Variants in PSD3 observed in about 807,000 individuals in gnomAD.
PSD3 encodes the protein PH and SEC7 domain-containing protein 3.
A neutral mutation model predicts 105.5 loss-of-function variants in PSD3; 49 were observed. The ratio of observed to expected loss-of-function variants is 0.46; its 90% CI spans 0.37 to 0.59. PSD3 has a LOEUF of 0.59. PSD3 is among the 20% of genes least tolerant of loss of function. PSD3 has a pLI of 0.00. For synonymous variants in PSD3, 557 were observed against 457.8 expected, an observed-to-expected ratio of 1.22 and a Z score of -2.77; for missense variants, 1,561 against 1,263.8, an observed-to-expected ratio of 1.24 and a Z score of -3.57.
At chr8:18,759,645 A>G (rs534173523) in intron 9 of PSD3, among the ~76,000 whole-genome samples, 97 of 152,316 alleles carry the variant, frequency 6.4e-4, no homozygotes, top group Non-Finnish European at 1.1e-3. Context: ...ATTAAATGGT[A>G]GATGGCAATG....
rs111788063 is a variant in PSD3 at position 18,623,166 on chromosome 8, T to C, written c.2410+9447A>G. Among the ~76,000 whole-genome samples the C allele has an allele frequency of 1.7e-3, 260 of 152,204 alleles. 1 individual carries two copies. The highest frequency in any genetic ancestry group is 6.0e-3 in the African/African-American group (248 of 41,544). ...TTCCAAAATGCTGGGATTACAGGCG[T>C]GAGCCACTGTGTCTGGTCACCGTTT... On this transcript the variant is annotated intron_variant, in intron 11 of 15. Coordinates refer to ENST00000327040, the MANE Select transcript of PSD3 (RefSeq NM_015310.4).
chr8:18,832,274 C>T (rs531638538), intron 4 of PSD3, among the ~76,000 whole-genome samples: 2 of 152,190 alleles, frequency 1.3e-5, no homozygotes, highest in South Asian at 2.1e-4. Flanking sequence ...TTATATCTTG[C>T]TTCACGTCCA....
At chr8:18,536,598 C>T (rs1240104832) in intron 15 of PSD3, among the ~76,000 whole-genome samples, 2 of 152,194 alleles carry the variant, frequency 1.3e-5, no homozygotes, top group African/African-American at 2.4e-5. Context: ...CAGTATGAAG[C>T]TGGCAGAATT....
chr8:18,796,667 G>A (rs535801777), intron 8 of PSD3, among the ~76,000 whole-genome samples: 6 of 152,278 alleles, frequency 3.9e-5, no homozygotes, highest in African/African-American at 1.4e-4. Flanking sequence ...CTCCCAAGAG[G>A]GGAGTCAGAC....
At chr8:18,852,259 G>C (rs776786614) in intron 4 of PSD3, among the ~76,000 whole-genome samples, 1 of 152,032 alleles carries the variant, frequency 6.6e-6, no homozygotes, top group Non-Finnish European at 1.5e-5. Context: ...ACAAGTGATA[G>C]ACCAGGAAAC....
At chr8:18,833,020 G>C (rs960006996) in intron 4 of PSD3, among the ~76,000 whole-genome samples, 1 of 152,188 alleles carries the variant, frequency 6.6e-6, no homozygotes, top group Non-Finnish European at 1.5e-5. Flanking sequence ...TTATAATTGA[G>C]CAGCCATGAG....
chr8:19,016,169 C>G (rs1827172759), upstream of PSD3, among the ~76,000 whole-genome samples: 1 of 152,134 alleles, frequency 6.6e-6, no homozygotes, highest in Admixed American at 6.5e-5. Context: ...ACCATAGCCC[C>G]CAGTGCTCAA....
chr8:18,939,511 A>T (rs1347592767), intron 1 of PSD3, among the ~76,000 whole-genome samples: 1 of 151,280 alleles, frequency 6.6e-6, no homozygotes, highest in Admixed American at 6.6e-5. Context: ...ATAAAGAAAC[A>T]TAGCTTTTTT....
intron 4 of PSD3, among the ~76,000 whole-genome samples, chr8:18,838,780 T>A (rs1274415797): frequency 6.7e-6 from 1 of 149,502 alleles, no homozygotes; most frequent in Admixed American, 6.7e-5. Context: ...CCAGCCTGGG[T>A]GACAGAGCGA....
At chr8:18,961,104 C>A (rs1176227427) in intron 1 of PSD3, among the ~76,000 whole-genome samples, 1 of 151,446 alleles carries the variant, frequency 6.6e-6, no homozygotes, top group Non-Finnish European at 1.5e-5. Flanking sequence ...AAAAAACAAA[C>A]AAACAAAAAG....
intron 4 of PSD3, among the ~76,000 whole-genome samples, chr8:18,839,410 A>G (rs1178981647): frequency 6.6e-6 from 1 of 152,142 alleles, no homozygotes; most frequent in African/African-American, 2.4e-5. Context: ...TAAAAGATCT[A>G]TTGTCCAAAG....
upstream of PSD3, among the ~76,000 whole-genome samples, chr8:19,018,156 G>A (rs1827235077): frequency 6.6e-6 from 1 of 152,134 alleles, no homozygotes; most frequent in Non-Finnish European, 1.5e-5. Context: ...AGATAGCCCA[G>A]TCTTTTCTCT....
At chr8:18,764,958 G>A (rs111770394) in intron 9 of PSD3, among the ~76,000 whole-genome samples, 1 of 152,138 alleles carries the variant, frequency 6.6e-6, no homozygotes, top group African/African-American at 2.4e-5. Flanking sequence ...TCATGCTGAT[G>A]TTACCAATAA....
intron 1 of PSD3, among the ~76,000 whole-genome samples, chr8:19,010,561 G>C (rs1826905846): frequency 6.6e-6 from 1 of 152,122 alleles, no homozygotes; most frequent in African/African-American, 2.4e-5. Context: ...ATTGTAAATT[G>C]CAACAGCCAC....
At chr8:18,696,989 C>T (rs1801293312) in intron 9 of PSD3, among the ~76,000 whole-genome samples, 1 of 151,878 alleles carries the variant, frequency 6.6e-6, no homozygotes, top group Non-Finnish European at 1.5e-5. Context: ...AATCCCAGCA[C>T]TTTGCCACTT....
At chr8:18,687,558 GA>G (rs199661248) in intron 9 of PSD3, among the ~76,000 whole-genome samples, 1,990 of 151,618 alleles carry the variant, frequency 0.013, 40 homozygotes, top group African/African-American at 0.044. Flanking sequence ...AAAAAAGTAT[GA>G]AGTGAAATTT....
chr8:18,679,198 A>T (rs1460064252), intron 9 of PSD3, among the ~76,000 whole-genome samples: 1 of 152,178 alleles, frequency 6.6e-6, no homozygotes, highest in African/African-American at 2.4e-5. Flanking sequence ...CTGCCACCAA[A>T]ACTTCAGGTC....
chr8:18,690,928 T>C (rs1393383927), intron 9 of PSD3, among the ~76,000 whole-genome samples: 3 of 152,164 alleles, frequency 2.0e-5, no homozygotes, highest in Non-Finnish European at 4.4e-5. Context: ...CGGATTTCCT[T>C]AGTCCATAAG....
chr8:18,963,972 C>G (rs190377855), intron 1 of PSD3, among the ~76,000 whole-genome samples: 44 of 152,126 alleles, frequency 2.9e-4, no homozygotes, highest in African/African-American at 9.2e-4. Context: ...GCTTTCTTCA[C>G]GAAGAGAAGA....
Sources: allele counts gnomAD v4.1 joint callset (sites outside exome capture counted in the v4.1 genomes callset), GRCh38; gene constraint gnomAD v4.1.1; transcripts MANE v1.5; gene names NCBI Gene and HGNC (gene_info 2026-07-23, HGNC 2026-07-21).